SPMIP3: variants seen among roughly 807,000 people sequenced by gnomAD.
The protein encoded by SPMIP3 is sperm microtubule inner protein 3.
the SPMIP3 span, among the ~76,000 whole-genome samples, chr1:244,374,084 GC>G: frequency 6.6e-6 from 1 of 152,144 alleles, no homozygotes; most frequent in Non-Finnish European, 1.5e-5. Flanking sequence ...CTGCACTCCA[GC>G]CTGGGCGACA....
At chr1:244,372,662 C>G in the SPMIP3 span, among the ~76,000 whole-genome samples, 2 of 152,108 alleles carry the variant, frequency 1.3e-5, no homozygotes, top group African/African-American at 4.8e-5. Context: ...CCAGGATGGT[C>G]TCGAACTCCT....
the SPMIP3 span, among the ~76,000 whole-genome samples, chr1:244,361,235 C>CTTTTTCTTT: frequency 3.4e-5 from 4 of 119,314 alleles, 1 homozygote; most frequent in South Asian, 5.5e-4. Flanking sequence ...TTCTTTCTTT[C>CTTTTTCTTT]TTTTTTTTTT....
At chr1:244,361,374 A>G in the SPMIP3 span, among the ~76,000 whole-genome samples, 1 of 151,738 alleles carries the variant, frequency 6.6e-6, no homozygotes, top group African/African-American at 2.4e-5. Context: ...GATTACAGGC[A>G]TGCGCCACCA....
chr1:244,376,230 A>G, the SPMIP3 span, among the ~76,000 whole-genome samples: 1 of 152,126 alleles, frequency 6.6e-6, no homozygotes, highest in Non-Finnish European at 1.5e-5. Flanking sequence ...TCTGAACGTC[A>G]GGCACAGCCT....
the SPMIP3 span, chr1:244,389,026 AAG>A: frequency 6.2e-7 from 1 of 1,613,946 alleles, no homozygotes; most frequent in African/African-American, 1.3e-5. Flanking sequence ...TACTGTTGTG[AAG>A]AGAGAAGCAG....
At chr1:244,360,353 A>G in the SPMIP3 span, among the ~76,000 whole-genome samples, 1 of 152,176 alleles carries the variant, frequency 6.6e-6, no homozygotes, top group Non-Finnish European at 1.5e-5. Flanking sequence ...ATGATCCAGC[A>G]GTCTCACTGC....
chr1:244,377,827 T>C, the SPMIP3 span, among the ~76,000 whole-genome samples: 3 of 152,174 alleles, frequency 2.0e-5, no homozygotes, highest in Non-Finnish European at 4.4e-5. Flanking sequence ...TTTTATTTTA[T>C]TTATTTCTTT....
the SPMIP3 span, among the ~76,000 whole-genome samples, chr1:244,374,788 G>A: frequency 1.3e-5 from 2 of 151,210 alleles, no homozygotes; most frequent in African/African-American, 4.9e-5. Flanking sequence ...AGTAGAGATG[G>A]GGTTTCACCA....
the SPMIP3 span, among the ~76,000 whole-genome samples, chr1:244,385,082 A>T: frequency 6.6e-6 from 1 of 152,064 alleles, no homozygotes; most frequent in South Asian, 2.1e-4. Flanking sequence ...TTGTATTTTT[A>T]GTAGAGACAA....
At chr1:244,374,091 C>T in the SPMIP3 span, among the ~76,000 whole-genome samples, 9 of 152,008 alleles carry the variant, frequency 5.9e-5, no homozygotes, top group South Asian at 2.1e-4. Context: ...CCAGCCTGGG[C>T]GACAGAGTGA....
At chr1:244,361,292 C>T in the SPMIP3 span, among the ~76,000 whole-genome samples, 2 of 131,928 alleles carry the variant, frequency 1.5e-5, no homozygotes, top group Non-Finnish European at 3.1e-5. Flanking sequence ...TGCTGTGGCT[C>T]GATCTCGGCT....
At chr1:244,386,811 T>G in the SPMIP3 span, among the ~76,000 whole-genome samples, 1 of 152,218 alleles carries the variant, frequency 6.6e-6, no homozygotes, top group Non-Finnish European at 1.5e-5. Flanking sequence ...GTTGAAGCAC[T>G]AAGGAATGCA....
chr1:244,356,863 C>T, the SPMIP3 span, among the ~76,000 whole-genome samples: 1 of 151,034 alleles, frequency 6.6e-6, no homozygotes, highest in African/African-American at 2.4e-5. Context: ...GACCTGACAG[C>T]TGTAGCAGTA....
At chr1:244,371,245 G>A in the SPMIP3 span, among the ~76,000 whole-genome samples, 1 of 152,210 alleles carries the variant, frequency 6.6e-6, no homozygotes, top group Non-Finnish European at 1.5e-5. Flanking sequence ...CCAGTGAGAA[G>A]GAAAGGGCTT....
chr1:244,382,892 G>A, the SPMIP3 span, among the ~76,000 whole-genome samples: 9 of 151,868 alleles, frequency 5.9e-5, no homozygotes, highest in African/African-American at 1.2e-4. Flanking sequence ...AAGAGCCACC[G>A]TGCCCGGCCC....
At chr1:244,355,027 T>A in the SPMIP3 span, among the ~76,000 whole-genome samples, 7 of 152,190 alleles carry the variant, frequency 4.6e-5, no homozygotes, top group African/African-American at 1.7e-4. Context: ...CTGAACGCAT[T>A]TCCTGTAGCT....
At chr1:244,373,958 C>T in the SPMIP3 span, among the ~76,000 whole-genome samples, 1 of 151,774 alleles carries the variant, frequency 6.6e-6, no homozygotes, top group Non-Finnish European at 1.5e-5. Context: ...TCTAAAAATA[C>T]AAAAATTAGC....
chr1:244,364,249 C>T, the SPMIP3 span, among the ~76,000 whole-genome samples: 2 of 152,068 alleles, frequency 1.3e-5, no homozygotes, highest in Admixed American at 6.5e-5. Context: ...GTACTACAGG[C>T]GCCCGCCACC....
chr1:244,379,801 G>A, the SPMIP3 span, among the ~76,000 whole-genome samples: 1 of 152,022 alleles, frequency 6.6e-6, no homozygotes, highest in African/African-American at 2.4e-5. Context: ...CCAACATGGA[G>A]AAACCCTGTC....
Sources: gnomAD v4.1 joint callset for allele counts (sites outside exome capture counted in the v4.1 genomes callset) on GRCh38, gnomAD v4.1.1 for gene constraint, MANE v1.5 for transcripts, NCBI Gene and HGNC (gene_info 2026-07-23, HGNC 2026-07-21) for gene names.